The following THSD7A variants were observed in gnomAD, a reference collection of about 807,000 sequenced individuals.
The protein encoded by THSD7A is thrombospondin type 1 domain containing 7A.
In THSD7A, 96 loss-of-function variants were observed where a neutral mutation model predicts 231.3. The observed-to-expected ratio is 0.41, with a 90% confidence interval of 0.35 to 0.49. The LOEUF is 0.49. Ranked by LOEUF, THSD7A falls within the 20% of genes least tolerant of loss-of-function variation. The probability of loss-of-function intolerance (pLI) is 0.05; values close to 1 mark genes in which losing one functional copy is unlikely to be tolerated. For synonymous variants in THSD7A, 940 were observed against 743.3 expected (o/e 1.26, Z -4.30); for missense variants, 2,290 against 2,070.2 (o/e 1.11, Z -2.06).
At position 11,451,660 on chromosome 7, in the gene THSD7A, G is replaced by C. The variant is rs371044790; in HGVS notation, c.2606-4236C>G. Reference sequence around the variant, plus strand: ...ATTGAGTTTCAAGCTATGTTTTAAAGAGAAAAATAATAAAGGTTCATGGAC... The same window carrying C: ...ATTGAGTTTCAAGCTATGTTTTAAACAGAAAAATAATAAAGGTTCATGGAC... On this transcript the variant is annotated intron_variant, in intron 11 of 27. Transcript: ENST00000423059. Among the ~76,000 whole-genome samples the C allele has an allele frequency of 6.7e-4, 102 of 152,088 alleles. 1 individual carries two copies. The South Asian group carries it at 0.013, about 20-fold the overall frequency.
At chr7:11,384,008 C>T (rs753998407) in intron 23 of THSD7A, 4 of 151,984 alleles carry the variant, frequency 2.6e-5, no homozygotes, top group African/African-American at 4.8e-5. Context: ...AGTTAGACTT[C>T]ACAGAGATTT....
intron 6 of THSD7A, among the ~76,000 whole-genome samples, chr7:11,524,359 A>G (rs1186551327): frequency 2.0e-5 from 3 of 152,142 alleles, no homozygotes; most frequent in Admixed American, 1.3e-4. Context: ...TGCTAGTACA[A>G]CAGAGCTTGG....
intron 1 of THSD7A, among the ~76,000 whole-genome samples, chr7:11,815,250 A>G (rs1037968974): frequency 6.6e-6 from 1 of 151,694 alleles, no homozygotes; most frequent in African/African-American, 2.4e-5. Flanking sequence ...GTCCTTTATG[A>G]GATTTTTTTG....
intron 13 of THSD7A, among the ~76,000 whole-genome samples, chr7:11,430,253 G>A (rs1485494994): frequency 6.6e-6 from 1 of 152,030 alleles, no homozygotes; most frequent in Admixed American, 6.6e-5. Flanking sequence ...CCATGTTTTG[G>A]TTTTCAGTAT....
chr7:11,504,872 G>A (rs931023203), intron 6 of THSD7A, among the ~76,000 whole-genome samples: 2 of 151,018 alleles, frequency 1.3e-5, no homozygotes, highest in Admixed American at 6.6e-5. Context: ...TTAGTTGTAT[G>A]TATTATTAAA....
chr7:11,501,434 T>G (rs150745458), intron 6 of THSD7A, among the ~76,000 whole-genome samples: 1 of 152,302 alleles, frequency 6.6e-6, no homozygotes, highest in East Asian at 1.9e-4. Flanking sequence ...AACATACTCT[T>G]GGACCACAGC....
chr7:11,751,226 T>C (rs1451924490), intron 1 of THSD7A: 1 of 152,000 alleles, frequency 6.6e-6, no homozygotes, highest in African/African-American at 2.4e-5. Context: ...AGCCGGATAG[T>C]TGTCTGTTGG....
chr7:11,517,548 G>T (rs999898700), intron 6 of THSD7A, among the ~76,000 whole-genome samples: 1 of 151,996 alleles, frequency 6.6e-6, no homozygotes, highest in African/African-American at 2.4e-5. Context: ...AAGAAGAAAA[G>T]CCCAGCATAT....
At chr7:11,587,447 A>G (rs1779956202) in intron 4 of THSD7A, among the ~76,000 whole-genome samples, 1 of 152,184 alleles carries the variant, frequency 6.6e-6, no homozygotes, top group African/African-American at 2.4e-5. Flanking sequence ...AGGGTTACCT[A>G]CAGCTAAGAG....
intron 4 of THSD7A, among the ~76,000 whole-genome samples, chr7:11,587,928 C>G (rs969166556): frequency 6.6e-6 from 1 of 151,856 alleles, no homozygotes; most frequent in Admixed American, 6.6e-5. Context: ...TTTTTCACAC[C>G]TTGGTTATAT....
chr7:11,407,298 A>C lies in THSD7A; in HGVS notation c.3916+8T>G. The C allele has an allele frequency of 1.2e-6, 2 of 1,608,042 alleles. No individual in the cohort carries two copies. Among genetic ancestry groups the C allele is most frequent in the Non-Finnish European group, 1.7e-6 (2 of 1,176,100 alleles). ...AGTAGCCTAATATAAGTTATGGTAC[A>C]AACAAACCTGTGAGGCCACATGTTT... is the stretch of plus-strand genomic sequence containing the variant. On this transcript the variant is annotated splice_region_variant and intron_variant, in intron 20 of 27. Coordinates refer to ENST00000423059, the MANE Select transcript of THSD7A (RefSeq NM_015204.3).
At chr7:11,548,540 G>A (rs1464134063) in intron 4 of THSD7A, among the ~76,000 whole-genome samples, 1 of 151,850 alleles carries the variant, frequency 6.6e-6, no homozygotes, top group Non-Finnish European at 1.5e-5. Context: ...ACCAAAACCT[G>A]GCAGAGACAC....
chr7:11,578,991 C>T (rs1302324957), intron 4 of THSD7A, among the ~76,000 whole-genome samples: 1 of 146,768 alleles, frequency 6.8e-6, no homozygotes, highest in Non-Finnish European at 1.5e-5. Flanking sequence ...TCTTGAATTG[C>T]ATTCAATGTG....
chr7:11,547,680 A>G (rs1287722616), intron 4 of THSD7A, among the ~76,000 whole-genome samples: 1 of 152,192 alleles, frequency 6.6e-6, no homozygotes, highest in East Asian at 1.9e-4. Context: ...CCACAGCACA[A>G]TAAATACAGA....
intron 17 of THSD7A, among the ~76,000 whole-genome samples, chr7:11,415,580 C>G (rs1192622873): frequency 6.6e-6 from 1 of 152,060 alleles, no homozygotes; most frequent in African/African-American, 2.4e-5. Flanking sequence ...TCCTCTATTA[C>G]CTTTTTCTCT....
At chr7:11,741,170 G>A (rs538930339) in intron 1 of THSD7A, among the ~76,000 whole-genome samples, 1 of 152,010 alleles carries the variant, frequency 6.6e-6, no homozygotes, top group African/African-American at 2.4e-5. Flanking sequence ...TAGGTACTCT[G>A]CCAGGTGTTT....
At chr7:11,549,477 G>A (rs751441700) in intron 4 of THSD7A, among the ~76,000 whole-genome samples, 1 of 152,038 alleles carries the variant, frequency 6.6e-6, no homozygotes, top group Non-Finnish European at 1.5e-5. Context: ...ATATATGCAT[G>A]CTCATGTTCA....
chr7:11,720,428 T>C (rs1254419632), intron 1 of THSD7A, among the ~76,000 whole-genome samples: 3 of 151,774 alleles, frequency 2.0e-5, no homozygotes, highest in African/African-American at 7.2e-5. Flanking sequence ...TATGAATTTA[T>C]TGATGATCAC....
intron 1 of THSD7A, among the ~76,000 whole-genome samples, chr7:11,741,655 T>G (rs1305056411): frequency 2.0e-5 from 3 of 151,798 alleles, no homozygotes; most frequent in Non-Finnish European, 2.9e-5. Flanking sequence ...AAATCAGAAG[T>G]AATAAATATT....
Sources: gnomAD v4.1 joint callset for allele counts (sites outside exome capture counted in the v4.1 genomes callset) on GRCh38, gnomAD v4.1.1 for gene constraint, MANE v1.5 for transcripts, NCBI Gene and HGNC (gene_info 2026-07-23, HGNC 2026-07-21) for gene names.